The following GRIA1 variants were observed in gnomAD, a reference collection of about 807,000 sequenced individuals.
GRIA1 encodes the protein glutamate receptor 1.
A neutral mutation model predicts 99.2 loss-of-function variants in GRIA1; 31 were observed. The ratio of observed to expected loss-of-function variants is 0.31; its 90% CI spans 0.23 to 0.42. The LOEUF (loss-of-function observed/expected upper bound fraction) is 0.42. Among genes scored for constraint, GRIA1 ranks in the 10% least tolerant of loss-of-function variants. The probability of loss-of-function intolerance (pLI) is 1.00; values close to 1 mark genes in which losing one functional copy is unlikely to be tolerated. For synonymous variants in GRIA1, 438 were observed against 432.4 expected, an observed-to-expected ratio of 1.01 and a Z score of -0.16; for missense variants, 782 against 1,157.5, an observed-to-expected ratio of 0.68 and a Z score of 4.71.
At chr5:153,631,764 T>A (rs1752984820) in intron 2 of GRIA1, among the ~76,000 whole-genome samples, 1 of 152,174 alleles carries the variant, frequency 6.6e-6, no homozygotes, top group Non-Finnish European at 1.5e-5. Flanking sequence ...GGGCTTCAAC[T>A]GTAATTAAGA....
chr5:153,687,122 G>C (rs1757398305), intron 8 of GRIA1, among the ~76,000 whole-genome samples: 1 of 152,142 alleles, frequency 6.6e-6, no homozygotes. Context: ...AGCCTTCTCT[G>C]GCCTTTCTTA....
At chr5:153,799,224 A>C (rs1431529390) in intron 14 of GRIA1, among the ~76,000 whole-genome samples, 3 of 152,158 alleles carry the variant, frequency 2.0e-5, no homozygotes, top group African/African-American at 7.2e-5. Flanking sequence ...GTAGCTGTGA[A>C]ATGTGAGTAG....
chr5:153,674,644 G>T lies in GRIA1; in HGVS notation c.844G>T (p.Asp282Tyr), dbSNP rs1561754506. 9.3e-6 allele frequency: 15 copies of T among 1,614,024 alleles called. No homozygotes were observed. Among genetic ancestry groups the T allele is most frequent in the Non-Finnish European group, 1.2e-5 (14 of 1,179,940 alleles). The change falls in exon 6 of 16, where the codon GAC becomes TAC. Residue 282 changes from aspartate to tyrosine, a missense_variant. This residue lies in a region of GRIA1 where 461 missense variants were observed against 521.7 expected (regional missense o/e 0.88). Coordinates refer to ENST00000285900, the MANE Select transcript of GRIA1 (RefSeq NM_000827.4). ...TGATGCTCGAGACCACACACGGGTG[G>T]ACTGGAAGAGACCCAAGGTGAGTGG... is the stretch of plus-strand genomic sequence containing the variant. ...NSDARDHTRV[D>Y]WKRPKYTSAL...
chr5:153,504,547 A>G (rs1049249504), intron 2 of GRIA1, among the ~76,000 whole-genome samples: 6 of 152,098 alleles, frequency 3.9e-5, no homozygotes, highest in African/African-American at 1.4e-4. Context: ...TCAACATGCT[A>G]AAGTCAGAAG....
chr5:153,547,422 G>C (rs1016345433), intron 2 of GRIA1, among the ~76,000 whole-genome samples: 4 of 152,150 alleles, frequency 2.6e-5, no homozygotes, highest in Admixed American at 6.6e-5. Flanking sequence ...TATTTGCTAA[G>C]GATGGGGCAT....
At chr5:153,490,664 G>A (rs1045448311), upstream of GRIA1, 1 of 592,982 alleles carries the variant, frequency 1.7e-6, no homozygotes. Flanking sequence ...TTCTTTTCCC[G>A]TGCTCAGTTA....
chr5:153,742,940 G>A (rs568802486), intron 11 of GRIA1, among the ~76,000 whole-genome samples: 1 of 152,198 alleles, frequency 6.6e-6, no homozygotes, highest in African/African-American at 2.4e-5. Context: ...CTAGGGATTA[G>A]AGCATAGATG....
chr5:153,708,873 A>G (rs1759108826), intron 11 of GRIA1, among the ~76,000 whole-genome samples: 1 of 152,228 alleles, frequency 6.6e-6, no homozygotes, highest in South Asian at 2.1e-4. Flanking sequence ...GACAGACACA[A>G]GAGTGAACTG....
chr5:153,650,360 C>G lies in GRIA1; in HGVS notation c.491C>G (p.Thr164Arg). 1 of 1,613,916 alleles carries G rather than the reference C, an allele frequency of 6.2e-7. No individual in the cohort carries two copies. The highest frequency in any genetic ancestry group is 1.3e-5 in the African/African-American group (1 of 75,016). ...GLSVLQKVLD[T>R]AAEKNWQVTA... ...TCCGTCCTGCAGAAAGTCCTGGATACAGCTGCTGAGAAGAACTGGCAGGTG... is the reference window on the plus strand; with the variant it reads ...TCCGTCCTGCAGAAAGTCCTGGATAGAGCTGCTGAGAAGAACTGGCAGGTG... Residue 164 changes from threonine (T) to arginine (R), a missense_variant, in exon 4 of 16, where the codon ACA becomes AGA. By Grantham distance (71) the Thr-to-Arg change is moderately conservative (BLOSUM62 -1). Transcript: ENST00000285900.
chr5:153,680,055 A>C (rs1756861492), intron 7 of GRIA1, among the ~76,000 whole-genome samples: 1 of 152,156 alleles, frequency 6.6e-6, no homozygotes, highest in Admixed American at 6.5e-5. Flanking sequence ...AACTTCCCAA[A>C]GTTATACAGC....
chr5:153,503,719 G>A (rs1755224222), intron 2 of GRIA1, among the ~76,000 whole-genome samples: 1 of 152,200 alleles, frequency 6.6e-6, no homozygotes, highest in African/African-American at 2.4e-5. Flanking sequence ...TGGATCATAA[G>A]AGTTTCTTTG....
chr5:153,503,283 A>T (rs1400924279), intron 2 of GRIA1, among the ~76,000 whole-genome samples: 1 of 152,216 alleles, frequency 6.6e-6, no homozygotes, highest in Non-Finnish European at 1.5e-5. Flanking sequence ...ACTTGAGATA[A>T]CTTGTTTAAT....
intron 11 of GRIA1, among the ~76,000 whole-genome samples, chr5:153,714,796 C>T (rs987722815): frequency 1.3e-5 from 2 of 152,234 alleles, no homozygotes; most frequent in Non-Finnish European, 2.9e-5. Flanking sequence ...TGCTACACCA[C>T]TTACATATGC....
chr5:153,490,462 G>C (rs937750781), upstream of GRIA1: 2 of 221,470 alleles, frequency 9.0e-6, no homozygotes, highest in Non-Finnish European at 1.8e-5. Context: ...GAGGATGGGA[G>C]GAAGGGGGAA....
chr5:153,799,656 G>A (rs1765874891), intron 14 of GRIA1, among the ~76,000 whole-genome samples: 3 of 152,254 alleles, frequency 2.0e-5, no homozygotes, highest in Admixed American at 1.3e-4. Context: ...CTCTACTACA[G>A]AGCTGTGTCA....
chr5:153,650,535 T>C (rs1459428980), intron 4 of GRIA1, 21 bp downstream of exon 4: 21 of 1,610,688 alleles, frequency 1.3e-5, no homozygotes, highest in Non-Finnish European at 1.8e-5. Context: ...CAGCAAGGGC[T>C]CAGGGTGGGT....
At position 153,806,733 on chromosome 5, in the gene GRIA1, C is replaced by T. The variant is rs749040215; in HGVS notation, c.2520+4243C>T. Among the ~76,000 whole-genome samples the T allele has an allele frequency of 3.3e-5, 5 of 152,190 alleles. No individual in the cohort carries two copies. In the East Asian group the frequency reaches 7.7e-4, roughly 23 times the overall value. ...GAGGAGAGAGAGAGATGAAAGGAAG[C>T]GAAGAAGGAAAGATGATTTTTCAGT... On this transcript the variant is annotated intron_variant, in intron 15 of 15. Transcript: ENST00000285900.
At chr5:153,558,269 A>C (rs954974223) in intron 2 of GRIA1, among the ~76,000 whole-genome samples, 3 of 152,086 alleles carry the variant, frequency 2.0e-5, no homozygotes, top group Non-Finnish European at 4.4e-5. Context: ...AGTAAAATTC[A>C]CTCCTTTTAT....
intron 11 of GRIA1, among the ~76,000 whole-genome samples, chr5:153,727,287 T>C (rs1251308190): frequency 6.6e-6 from 1 of 152,160 alleles, no homozygotes; most frequent in Non-Finnish European, 1.5e-5. Flanking sequence ...TCATACTGAA[T>C]GGGCAAAAAC....
Sources: allele counts gnomAD v4.1 joint callset (sites outside exome capture counted in the v4.1 genomes callset), GRCh38; gene constraint gnomAD v4.1.1; regional missense constraint gnomAD v4.1.1; transcripts MANE v1.5; gene names NCBI Gene and HGNC (gene_info 2026-07-23, HGNC 2026-07-21).